Variants in PDSS2 observed in about 807,000 individuals in gnomAD.
The protein encoded by PDSS2 is decaprenyl diphosphate synthase subunit 2, also known as all trans-polyprenyl-diphosphate synthase PDSS2.
A neutral mutation model predicts 44.5 loss-of-function variants in PDSS2; 31 were observed. The observed-to-expected ratio is 0.70, with a 90% CI of 0.52 to 0.94. The LOEUF (loss-of-function observed/expected upper bound fraction) is 0.94. PDSS2 is among the 40% of genes least tolerant of loss of function. PDSS2 has a pLI of 0.00. For synonymous variants in PDSS2, 157 were observed against 180.3 expected (o/e 0.87, Z 1.03); for missense variants, 452 against 482.2 (o/e 0.94, Z 0.59).
chr6:107,226,772 C>T (rs758458029), intron 4 of PDSS2, among the ~76,000 whole-genome samples: 2 of 149,884 alleles, frequency 1.3e-5, no homozygotes, highest in African/African-American at 2.5e-5. Flanking sequence ...GGGGTTCAAG[C>T]GATTCTCCTG....
intron 2 of PDSS2, among the ~76,000 whole-genome samples, chr6:107,304,376 C>G (rs548026268): frequency 3.8e-4 from 58 of 152,370 alleles, no homozygotes; most frequent in Admixed American, 1.1e-3. Context: ...GCATATTCCG[C>G]ATGTACTCTT....
chr6:107,295,281 G>C (rs1298382839), intron 2 of PDSS2, among the ~76,000 whole-genome samples: 2 of 152,130 alleles, frequency 1.3e-5, no homozygotes, highest in Non-Finnish European at 2.9e-5. Flanking sequence ...TTGGCAATCT[G>C]GTGAAACCTA....
At chr6:107,217,101 C>T (rs1282958550) in intron 4 of PDSS2, among the ~76,000 whole-genome samples, 2 of 152,092 alleles carry the variant, frequency 1.3e-5, no homozygotes, top group South Asian at 2.1e-4. Context: ...CACAAAACCA[C>T]GGGCAATGTT....
At chr6:107,310,264 G>A (rs1260622975) in intron 2 of PDSS2, among the ~76,000 whole-genome samples, 5 of 129,528 alleles carry the variant, frequency 3.9e-5, no homozygotes, top group African/African-American at 1.2e-4. Context: ...CAGCATGGGC[G>A]ACAGAGCAAG....
At chr6:107,365,145 TAA>T (rs1562490422) in intron 1 of PDSS2, among the ~76,000 whole-genome samples, 2 of 152,188 alleles carry the variant, frequency 1.3e-5, no homozygotes, top group African/African-American at 2.4e-5. Flanking sequence ...TTTCTTCTCT[TAA>T]ATTTTATAAA....
chr6:107,346,338 ATC>A (rs1778248137), intron 1 of PDSS2, among the ~76,000 whole-genome samples: 1 of 152,200 alleles, frequency 6.6e-6, no homozygotes, highest in South Asian at 2.1e-4. Flanking sequence ...CTAAGGTGCC[ATC>A]TCATCTAACC....
intron 2 of PDSS2, among the ~76,000 whole-genome samples, chr6:107,306,249 G>C (rs945496329): frequency 6.6e-6 from 1 of 152,140 alleles, no homozygotes; most frequent in African/African-American, 2.4e-5. Flanking sequence ...GGAGGGACCT[G>C]GTGGGAAGTA....
At chr6:107,321,097 C>G (rs1777367488) in intron 2 of PDSS2, among the ~76,000 whole-genome samples, 1 of 152,150 alleles carries the variant, frequency 6.6e-6, no homozygotes, top group African/African-American at 2.4e-5. Flanking sequence ...GGAACAGTAG[C>G]AGACTTATAG....
rs559846537 is a variant in PDSS2, at chr6:107,311,013, G to A, written c.431+23185C>T. Among the ~76,000 whole-genome samples, 5 of 151,728 alleles carry A rather than the reference G, an allele frequency of 3.3e-5. No individual in the cohort carries two copies. In the South Asian group the frequency reaches 1.0e-3, roughly 32 times the overall value. On this transcript the variant is annotated intron_variant, in intron 2 of 7. Coordinates refer to ENST00000369037, the MANE Select transcript of PDSS2 (RefSeq NM_020381.4). ...GTTCACTGCAACCTCCGCCTCCTGG[G>A]TTCAAGTGATTCTCCTGCCTCAGCC...
At chr6:107,433,602 A>G (rs1452075628) in intron 1 of PDSS2, among the ~76,000 whole-genome samples, 1 of 152,212 alleles carries the variant, frequency 6.6e-6, no homozygotes. Context: ...ATCTCTCACT[A>G]TACACAAAAA....
chr6:107,214,311 T>C (rs1773335539), intron 4 of PDSS2, among the ~76,000 whole-genome samples: 1 of 151,922 alleles, frequency 6.6e-6, no homozygotes, highest in African/African-American at 2.4e-5. Context: ...CACCGTGGTC[T>C]CGATCTCCTG....
At chr6:107,193,731 A>T in intron 7 of PDSS2, 91 bp downstream of exon 7, 1 of 823,696 alleles carries the variant, frequency 1.2e-6, no homozygotes, top group Non-Finnish European at 2.2e-6. Flanking sequence ...TCTCAATGTG[A>T]TCATTCTCTT....
intron 1 of PDSS2, among the ~76,000 whole-genome samples, chr6:107,354,233 G>A (rs9486595): frequency 0.069 from 10,438 of 151,930 alleles, 430 homozygotes; most frequent in Non-Finnish European, 0.091. Context: ...TGCCATGCAG[G>A]GCATATAACC....
chr6:107,254,649 G>A (rs973060574), intron 3 of PDSS2, among the ~76,000 whole-genome samples: 1 of 152,108 alleles, frequency 6.6e-6, no homozygotes, highest in African/African-American at 2.4e-5. Context: ...ATGTTGTTCT[G>A]ACAGAATTCT....
Position 107,334,279 on chromosome 6 carries a change from A to G in PDSS2, c.350T>C (p.Leu117Pro). 1.2e-6 allele frequency: 2 copies of G among 1,613,340 alleles called. No individual in the cohort carries two copies. The highest frequency in any genetic ancestry group is 1.7e-6 in the Non-Finnish European group (2 of 1,179,434). Residue 117 changes from leucine (L) to proline (P), a missense_variant, in exon 2 of 8, where the codon CTC (leucine) becomes CCC (proline). Leu to Pro is a moderately conservative substitution (Grantham distance 98, BLOSUM62 -3). Transcript: ENST00000369037. ...GGGCCCAGCTGCTTTAGAGATAAGG[A>G]GCACCACCAAGCCCCTCAACTGGAG... ...NSLQLRGLVV[L>P]LISKAAGPSS... is the part of the protein sequence containing the mutation.
At chr6:107,170,763 C>T (rs1771545125) in intron 7 of PDSS2, among the ~76,000 whole-genome samples, 1 of 152,086 alleles carries the variant, frequency 6.6e-6, no homozygotes, top group African/African-American at 2.4e-5. Flanking sequence ...CAGGCATGTG[C>T]CATGATGCCT....
At chr6:107,390,472 C>CAT (rs1779746195) in intron 1 of PDSS2, among the ~76,000 whole-genome samples, 1 of 151,998 alleles carries the variant, frequency 6.6e-6, no homozygotes. Flanking sequence ...GAAAGACTGA[C>CAT]AAAGTGTCAC....
Position 107,350,717 on chromosome 6 carries a change from C to T in PDSS2, c.297-16385G>A, listed in dbSNP as rs79488690. ...CCCAACTACTAGGGAGGCTGAGATG[C>T]GAGGACTGCTTGAGCCCAGGAGTTC... On this transcript the variant is annotated intron_variant, in intron 1 of 7. Coordinates refer to ENST00000369037, the MANE Select transcript of PDSS2 (RefSeq NM_020381.4). Among the ~76,000 whole-genome samples the T allele has an allele frequency of 1.7e-3, 262 of 152,068 alleles. 2 individuals are homozygous for T. The highest frequency in any genetic ancestry group is 6.0e-3 in the African/African-American group (247 of 41,500).
chr6:107,426,643 C>T lies in PDSS2; in HGVS notation c.296+32347G>A, dbSNP rs529085292. On this transcript the variant is annotated intron_variant, in intron 1 of 7. Coordinates refer to ENST00000369037, the MANE Select transcript of PDSS2 (RefSeq NM_020381.4). ...AAGCAGCCAAGAGGGTGGCTGTACC[C>T]TGCAAAGCCACAGGGGCAGAGCTGC... Among the ~76,000 whole-genome samples the T allele has an allele frequency of 6.6e-5, 10 of 152,330 alleles. No homozygotes were observed. In the East Asian group the frequency reaches 1.9e-3, roughly 29 times the overall value.
Sources: gnomAD v4.1 joint callset for allele counts (sites outside exome capture counted in the v4.1 genomes callset) on GRCh38, gnomAD v4.1.1 for gene constraint, MANE v1.5 for transcripts, NCBI Gene and HGNC (gene_info 2026-07-23, HGNC 2026-07-21) for gene names.